SHROOM4: variants seen among roughly 807,000 people sequenced by gnomAD.
SHROOM4 encodes protein Shroom4.
In SHROOM4, 17 loss-of-function variants were observed where a neutral mutation model predicts 80.3. That is an observed-to-expected ratio of 0.21 (90% CI 0.14 to 0.32). The LOEUF (loss-of-function observed/expected upper bound fraction) is 0.32, where lower values mean the gene tolerates loss of function less well. SHROOM4 is among the 10% of genes least tolerant of loss of function. SHROOM4 has a pLI of 1.00. For missense variants in SHROOM4, 993 were observed against 1,140.3 expected, an observed-to-expected ratio of 0.87 and a Z score of 1.86; for synonymous variants, 400 against 437.5, an observed-to-expected ratio of 0.91 and a Z score of 1.07.
At chrX:50,717,338 C>A (rs1309799155) in intron 1 of SHROOM4, among the ~76,000 whole-genome samples, 1 of 111,911 alleles carries the variant, frequency 8.9e-6, no homozygotes, top group Non-Finnish European at 1.9e-5. Flanking sequence ...CTACCTCAGC[C>A]TCCCCAGTAG....
Position 50,710,255 on chromosome X carries a change from G to A in SHROOM4, c.118-14318C>T, listed in dbSNP as rs145829713. 4.9e-3 allele frequency among the ~76,000 whole-genome samples: 552 copies of A among 111,850 alleles called. 4 individuals carry two copies. Among genetic ancestry groups the A allele is most frequent in the Middle Eastern group, 0.014 (3 of 218 alleles). The stretch of plus-strand genomic sequence containing the variant: ...CACTATTCACAATAGCTACGACATG[G>A]AAACCACCTAAGTGTCCATCAGTGG... On this transcript the variant is annotated intron_variant, in intron 1 of 8. Coordinates refer to ENST00000376020, the MANE Select transcript of SHROOM4 (RefSeq NM_020717.5).
intron 1 of SHROOM4, among the ~76,000 whole-genome samples, chrX:50,725,738 T>C (rs966401873): frequency 1.8e-5 from 2 of 112,689 alleles, no homozygotes; most frequent in African/African-American, 3.2e-5. Flanking sequence ...TGTGAGTCAA[T>C]TAAACCTTTC....
At chrX:50,668,146 A>G (rs1439303047) in intron 2 of SHROOM4, among the ~76,000 whole-genome samples, 19 of 112,125 alleles carry the variant, frequency 1.7e-4, no homozygotes, top group African/African-American at 5.8e-4. Flanking sequence ...GCCAGGTGAT[A>G]ACAAGTCTCC....
intron 2 of SHROOM4, among the ~76,000 whole-genome samples, chrX:50,666,260 C>T (rs1452360405): frequency 5.4e-5 from 6 of 111,772 alleles, no homozygotes; most frequent in Admixed American, 9.5e-5. Context: ...GGATACAACA[C>T]ACAGGCAACA....
chrX:50,607,177 A>G (rs1265474089), intron 6 of SHROOM4, among the ~76,000 whole-genome samples: 2 of 111,843 alleles, frequency 1.8e-5, no homozygotes, highest in Non-Finnish European at 3.8e-5. Context: ...GCATGGAGCT[A>G]TATCCTTTAT....
intron 1 of SHROOM4, among the ~76,000 whole-genome samples, chrX:50,706,355 T>C (rs1411962819): frequency 8.9e-6 from 1 of 112,237 alleles, no homozygotes; most frequent in Non-Finnish European, 1.9e-5. Flanking sequence ...TCAAGATACA[T>C]TATAGTGTGG....
intron 2 of SHROOM4, among the ~76,000 whole-genome samples, chrX:50,692,702 A>G (rs782156682): frequency 1.8e-5 from 2 of 111,510 alleles, no homozygotes; most frequent in East Asian, 5.7e-4. Context: ...TCTATTATAT[A>G]AGGCATTACT....
intron 1 of SHROOM4, among the ~76,000 whole-genome samples, chrX:50,707,147 G>A (rs1349274809): frequency 3.6e-5 from 4 of 111,870 alleles, no homozygotes; most frequent in African/African-American, 9.8e-5. Context: ...TTAGTGCTTC[G>A]TTAACCAGTG....
chrX:50,597,907 T>C (rs1235264063), intron 8 of SHROOM4, among the ~76,000 whole-genome samples: 1 of 111,209 alleles, frequency 9.0e-6, no homozygotes, highest in Non-Finnish European at 1.9e-5. Flanking sequence ...GGCACAATCT[T>C]TGCTCACGGC....
intron 2 of SHROOM4, among the ~76,000 whole-genome samples, chrX:50,640,872 C>G (rs1931565787): frequency 8.9e-6 from 1 of 112,373 alleles, no homozygotes; most frequent in South Asian, 3.7e-4. Flanking sequence ...CTCATTAGCT[C>G]TGTTGCTTTA....
chrX:50,692,449 A>C (rs1933245068), intron 2 of SHROOM4, among the ~76,000 whole-genome samples: 1 of 112,163 alleles, frequency 8.9e-6, no homozygotes, highest in Admixed American at 9.4e-5. Flanking sequence ...ACAAATGGGA[A>C]TGAAATTCAC....
At chrX:50,806,303 G>A (rs1313534407) in intron 1 of SHROOM4, among the ~76,000 whole-genome samples, 4 of 112,382 alleles carry the variant, frequency 3.6e-5, no homozygotes, top group African/African-American at 1.3e-4. Flanking sequence ...AGTCAAAGGG[G>A]AGAGGTTAGA....
intron 7 of SHROOM4, among the ~76,000 whole-genome samples, chrX:50,601,478 A>G (rs1349369827): frequency 1.8e-5 from 2 of 112,281 alleles, no homozygotes; most frequent in East Asian, 5.6e-4. Context: ...GTAACTTCCT[A>G]CGGGTCATAT....
At chrX:50,609,750 C>T (rs1162994956) in intron 5 of SHROOM4, among the ~76,000 whole-genome samples, 1 of 107,907 alleles carries the variant, frequency 9.3e-6, no homozygotes, top group African/African-American at 3.4e-5. Context: ...ATATTATGCA[C>T]ATATATAACA....
chrX:50,645,339 G>A (rs1291891726), intron 2 of SHROOM4, among the ~76,000 whole-genome samples: 8 of 112,009 alleles, frequency 7.1e-5, no homozygotes. Flanking sequence ...TCTTCTGGTC[G>A]CCAAATGTCT....
At chrX:50,576,752 T>A in the SHROOM4 span, among the ~76,000 whole-genome samples, 3 of 111,432 alleles carry the variant, frequency 2.7e-5, no homozygotes, top group Non-Finnish European at 5.6e-5. Context: ...TCTTTTCATA[T>A]AAAATTTTTA....
intron 1 of SHROOM4, among the ~76,000 whole-genome samples, chrX:50,707,739 T>C (rs1271870489): frequency 9.1e-6 from 1 of 110,060 alleles, no homozygotes; most frequent in African/African-American, 3.3e-5. Context: ...TTTTTCTTCC[T>C]TCTTCTTTAT....
intron 1 of SHROOM4, among the ~76,000 whole-genome samples, chrX:50,765,052 G>A (rs1935244117): frequency 9.0e-6 from 1 of 111,333 alleles, no homozygotes; most frequent in Non-Finnish European, 1.9e-5. Context: ...GAACAGCACA[G>A]GAAAAATCAG....
At chrX:50,786,554 G>A (rs1935745168) in intron 1 of SHROOM4, among the ~76,000 whole-genome samples, 1 of 111,784 alleles carries the variant, frequency 8.9e-6, no homozygotes, top group African/African-American at 3.3e-5. Context: ...CAGAGATGGC[G>A]GTTTGGCCTT....
Sources: gnomAD v4.1 joint callset for allele counts (sites outside exome capture counted in the v4.1 genomes callset) on GRCh38, gnomAD v4.1.1 for gene constraint, MANE v1.5 for transcripts, NCBI Gene and HGNC (gene_info 2026-07-23, HGNC 2026-07-21) for gene names.